Variants in SAR1B observed in about 807,000 individuals in gnomAD.
SAR1B encodes the protein secretion associated Ras related GTPase 1B.
Under a neutral mutation model 26.8 loss-of-function variants are expected in SAR1B, and 23 were observed. The observed-to-expected ratio is 0.86, with a 90% CI of 0.62 to 1.22. The LOEUF is 1.22. Ranked by LOEUF, SAR1B falls within the 50% of genes most tolerant of loss-of-function variation. The pLI, the probability that SAR1B is intolerant of heterozygous loss-of-function variation, is 0.00. For missense variants in SAR1B, 196 were observed against 232.8 expected (o/e 0.84, Z 1.03); for synonymous variants, 65 against 80.8 (o/e 0.80, Z 1.05).
intron 3 of SAR1B, among the ~76,000 whole-genome samples, 161 bp downstream of exon 3, chr5:134,620,772 T>TAAGC (rs1158381977): frequency 6.6e-6 from 1 of 152,100 alleles, no homozygotes; most frequent in Non-Finnish European, 1.5e-5. Flanking sequence ...GAGGATGGCT[T>TAAGC]AAGCCCAGGA....
chr5:134,617,706 G>A (rs1765336810), intron 3 of SAR1B, among the ~76,000 whole-genome samples: 1 of 152,014 alleles, frequency 6.6e-6, no homozygotes, highest in African/African-American at 2.4e-5. Flanking sequence ...TTTCGAGACA[G>A]AGTCTCCCTC....
chr5:134,620,619 C>T (rs1227117507), intron 3 of SAR1B, among the ~76,000 whole-genome samples: 1 of 152,090 alleles, frequency 6.6e-6, no homozygotes, highest in Non-Finnish European at 1.5e-5. Flanking sequence ...CCAATACTTT[C>T]GGAGGCTGAG....
intron 3 of SAR1B, chr5:134,612,981 AT>A: frequency 3.8e-6 from 2 of 527,658 alleles, no homozygotes; most frequent in Non-Finnish European, 3.4e-6. Context: ...AGCTCCCACA[AT>A]TTAGCCTAAA....
intron 1 of SAR1B, among the ~76,000 whole-genome samples, chr5:134,627,393 C>T (rs974024914): frequency 1.3e-5 from 2 of 151,782 alleles, no homozygotes; most frequent in African/African-American, 4.8e-5. Context: ...ACCCAGGGAG[C>T]GCCGTCTCTG....
In SAR1B at chr5:134,606,839, AC is replaced by A. The variant is rs1765135258; in HGVS notation, c.*110del. 3.9e-6 allele frequency: 3 copies of A among 776,744 alleles called. No homozygotes were observed. In the African/African-American group the frequency reaches 5.1e-5, roughly 13 times the overall value. The allele number at this position is 776,744 out of a possible 1,614,324, so 48.1% of individuals were successfully genotyped here. A position where few individuals can be genotyped will look rare whatever the true frequency, so the allele number is the denominator to read the frequency against. ...TGATTTAATATTAATAATCTAAAAA[AC>A]ATCTGTTTTATAACCAGCAAAAGTC... On this transcript the variant is annotated 3_prime_UTR_variant, in exon 7 of 7. Coordinates refer to ENST00000402673, the MANE Select transcript of SAR1B (RefSeq NM_016103.4).
In SAR1B at chr5:134,620,015, T is replaced by C. The variant is rs538916665; in HGVS notation, c.178+918A>G. On this transcript the variant is annotated intron_variant, in intron 3 of 6. Coordinates refer to ENST00000402673, the MANE Select transcript of SAR1B (RefSeq NM_016103.4). Reference sequence around the variant, plus strand: ...AAAATAAAGTAATATGGCTTTAAAATCTGAAAGAAGCCTGGGCGCGGTGGC... The same window carrying C: ...AAAATAAAGTAATATGGCTTTAAAACCTGAAAGAAGCCTGGGCGCGGTGGC... Among the ~76,000 whole-genome samples, 4 of 151,924 alleles carry C rather than the reference T, an allele frequency of 2.6e-5. No individual in the cohort carries two copies. In the South Asian group the frequency reaches 8.3e-4, roughly 32 times the overall value.
At chr5:134,613,960 T>G (rs1016491972) in intron 3 of SAR1B, 3 of 152,172 alleles carry the variant, frequency 2.0e-5, no homozygotes, top group African/African-American at 7.2e-5. Context: ...TTAGTGGTCT[T>G]TCTTTCTGCA....
intron 3 of SAR1B, among the ~76,000 whole-genome samples, chr5:134,617,961 A>G (rs1448269167): frequency 1.3e-5 from 2 of 152,040 alleles, no homozygotes; most frequent in African/African-American, 4.8e-5. Flanking sequence ...TTTTTCTTTA[A>G]CAGAATTGTT....
At chr5:134,632,124 C>T (rs1017182598) in intron 1 of SAR1B, 2 of 152,168 alleles carry the variant, frequency 1.3e-5, no homozygotes, top group African/African-American at 4.8e-5. Flanking sequence ...ATGGCGTGAA[C>T]CCGGGAGGCG....
At chr5:134,628,544 A>C (rs1765538949) in intron 1 of SAR1B, among the ~76,000 whole-genome samples, 1 of 152,196 alleles carries the variant, frequency 6.6e-6, no homozygotes, top group Non-Finnish European at 1.5e-5. Context: ...GGCTGAGCAC[A>C]GTGGCTCATG....
At chr5:134,608,285 G>A in intron 6 of SAR1B, 87 bp downstream of exon 6, 1 of 1,336,766 alleles carries the variant, frequency 7.5e-7, no homozygotes, top group South Asian at 1.3e-5. Context: ...ATGATAATGG[G>A]CTTGTATAGT....
chr5:134,619,104 C>T (rs1480874163), intron 3 of SAR1B, among the ~76,000 whole-genome samples: 3 of 150,624 alleles, frequency 2.0e-5, no homozygotes, highest in South Asian at 2.1e-4. Flanking sequence ...CTGAGGTGGG[C>T]GGATCATCTG....
In SAR1B at chr5:134,606,783, A is replaced by C; in HGVS notation, c.*167T>G. 1.6e-6 allele frequency: 1 copy of C among 640,716 alleles called. No individual in the cohort carries two copies. The highest frequency in any genetic ancestry group is 2.9e-5 in the East Asian group (1 of 34,018). 39.7% of individuals were successfully genotyped at this position (640,716 alleles called of 1,614,324 possible). A position where few individuals can be genotyped will look rare whatever the true frequency, so the allele number is the denominator to read the frequency against. ...ACATTGTGATACTCAAACTTACTTG[A>C]ATCAGTTTTCAATTCTCATTCAAAT... On this transcript the variant is annotated 3_prime_UTR_variant, in exon 7 of 7. Coordinates refer to ENST00000402673, the MANE Select transcript of SAR1B (RefSeq NM_016103.4).
At chr5:134,632,374 G>A (rs1020735347) in intron 1 of SAR1B, among the ~76,000 whole-genome samples, 1 of 152,098 alleles carries the variant, frequency 6.6e-6, no homozygotes, top group Non-Finnish European at 1.5e-5. Flanking sequence ...ACACCAGGCC[G>A]TGTCACAGCC....
At position 134,606,892 on chromosome 5, in the gene SAR1B, G is replaced by C; in HGVS notation, c.*58C>G. 3 of 1,060,924 alleles carry C rather than the reference G, an allele frequency of 2.8e-6. No individual in the cohort carries two copies. In the South Asian group the frequency reaches 3.8e-5, roughly 13 times the overall value. 65.7% of individuals were successfully genotyped at this position (1,060,924 alleles called of 1,614,324 possible). On this transcript the variant is annotated 3_prime_UTR_variant, in exon 7 of 7. Coordinates refer to ENST00000402673, the MANE Select transcript of SAR1B (RefSeq NM_016103.4). ...ATTGAATTCAAGTTATGCATGTTGAGCAATCAAATCTCTGAGTAAGCCTGA... is the reference window on the plus strand; with the variant it reads ...ATTGAATTCAAGTTATGCATGTTGACCAATCAAATCTCTGAGTAAGCCTGA...
Position 134,605,595 on chromosome 5 carries a change from A to G in SAR1B, c.*1355T>C, listed in dbSNP as rs1765112377. The stretch of plus-strand genomic sequence containing the variant: ...CAAGGCGGGCAGATCACTTGAGGTC[A>G]GGAGTTTGAGACCAGCCTGGACAAC... On this transcript the variant is annotated 3_prime_UTR_variant, in exon 7 of 7. Transcript: ENST00000402673. 6.8e-6 allele frequency: 1 copy of G among 146,768 alleles called. No individual in the cohort carries two copies. Among genetic ancestry groups the G allele is most frequent in the Non-Finnish European group, 1.5e-5 (1 of 66,732 alleles). 9.1% of individuals were successfully genotyped at this position (146,768 alleles called of 1,614,324 possible). A position where few individuals can be genotyped will look rare whatever the true frequency, so the allele number is the denominator to read the frequency against.
intron 1 of SAR1B, chr5:134,632,150 C>G (rs765318032): frequency 6.6e-6 from 1 of 152,002 alleles, no homozygotes; most frequent in Non-Finnish European, 1.5e-5. Context: ...TGCAGTAAGC[C>G]GAGATCGTGC....
Position 134,615,466 on chromosome 5 carries a change from G to A in SAR1B, c.179-2710C>T, listed in dbSNP as rs1358441554. 3.3e-5 allele frequency among the ~76,000 whole-genome samples: 5 copies of A among 151,974 alleles called. No homozygotes were observed. In the East Asian group the frequency reaches 7.8e-4, roughly 24 times the overall value. The stretch of plus-strand genomic sequence containing the variant: ...GGAGGCGGAGGTTGCAGTGAGCCGA[G>A]ATTGCGCCATTGCACTCCAGCCTGG... On this transcript the variant is annotated intron_variant, in intron 3 of 6. Transcript: ENST00000402673.
At chr5:134,624,875 G>A (rs2150055528) in intron 1 of SAR1B, among the ~76,000 whole-genome samples, 1 of 152,246 alleles carries the variant, frequency 6.6e-6, no homozygotes, top group Non-Finnish European at 1.5e-5. Context: ...TGATTCGCCT[G>A]CCTCAGCCTC....
Sources: allele counts gnomAD v4.1 joint callset (sites outside exome capture counted in the v4.1 genomes callset), GRCh38; gene constraint gnomAD v4.1.1; transcripts MANE v1.5; gene names NCBI Gene and HGNC (gene_info 2026-07-23, HGNC 2026-07-21).